VPS4A: variants seen among roughly 807,000 people sequenced by gnomAD.
VPS4A encodes vacuolar protein sorting 4 homolog A.
In VPS4A, 20 loss-of-function variants were observed where a neutral mutation model predicts 52.3. The observed-to-expected ratio is 0.38, with a 90% CI of 0.27 to 0.56. The LOEUF (loss-of-function observed/expected upper bound fraction) is 0.56. Ranked by LOEUF, VPS4A falls within the 20% of genes least tolerant of loss-of-function variation. The pLI, the probability that VPS4A is intolerant of heterozygous loss-of-function variation, is 0.72. For missense variants in VPS4A, 419 were observed against 575.9 expected, an observed-to-expected ratio of 0.73 and a Z score of 2.79; for synonymous variants, 293 against 227.7, an observed-to-expected ratio of 1.29 and a Z score of -2.58.
chr16:69,321,419 G>A lies in VPS4A; in HGVS notation c.1071+149G>A, dbSNP rs1173436814. ...GGAGAGCCGAGGGCCAGTGCCATGGGGGCTGCACCCACTGTCCCCTCCCTG... is the reference window on the plus strand; with the variant it reads ...GGAGAGCCGAGGGCCAGTGCCATGGAGGCTGCACCCACTGTCCCCTCCCTG... On this transcript the variant is annotated intron_variant, in intron 9 of 10. Coordinates refer to ENST00000254950, the MANE Select transcript of VPS4A (RefSeq NM_013245.3). The surrounding 1 kb of genome is among the most constrained non-coding windows in gnomAD (Gnocchi z 4.5). 2 of 816,034 alleles carry A rather than the reference G, an allele frequency of 2.5e-6. No individual in the cohort carries two copies. Among genetic ancestry groups the A allele is most frequent in the Non-Finnish European group, 3.8e-6 (2 of 527,144 alleles). 50.5% of individuals were successfully genotyped at this position (816,034 alleles called of 1,614,324 possible).
At position 69,320,389 on chromosome 16, in the gene VPS4A, G is replaced by T; in HGVS notation, c.769+100G>T. On this transcript the variant is annotated intron_variant, in intron 7 of 10. Coordinates refer to ENST00000254950, the MANE Select transcript of VPS4A (RefSeq NM_013245.3). The surrounding 1 kb of genome is among the most constrained non-coding windows in gnomAD (Gnocchi z 4.2). Reference sequence around the variant, plus strand: ...GCTGGATTTGGTTGTTCTCAGCCTCGGAGAGGCACTCCCCAGCTCCAGCCC... The same window carrying T: ...GCTGGATTTGGTTGTTCTCAGCCTCTGAGAGGCACTCCCCAGCTCCAGCCC... The T allele has an allele frequency of 1.3e-6, 2 of 1,508,148 alleles. No individual in the cohort carries two copies. Among genetic ancestry groups the T allele is most frequent in the Non-Finnish European group, 1.8e-6 (2 of 1,112,294 alleles). 93.4% of individuals were successfully genotyped at this position (1,508,148 alleles called of 1,614,324 possible). A position where few individuals can be genotyped will look rare whatever the true frequency, so the allele number is the denominator to read the frequency against.
chr16:69,315,722 C>T (rs966010864), intron 1 of VPS4A, among the ~76,000 whole-genome samples: 2 of 152,174 alleles, frequency 1.3e-5, no homozygotes, highest in Non-Finnish European at 2.9e-5. Flanking sequence ...ATGAACTTGC[C>T]CCTTGAGCCC....
intron 1 of VPS4A, among the ~76,000 whole-genome samples, chr16:69,311,737 G>A (rs1429060095): frequency 6.6e-6 from 1 of 152,130 alleles, no homozygotes; most frequent in Non-Finnish European, 1.5e-5. Context: ...AGGCCTTCCG[G>A]CCCTGCCCGG....
intron 6 of VPS4A, among the ~76,000 whole-genome samples, 155 bp downstream of exon 6, chr16:69,319,698 T>C (rs1301967685): frequency 2.0e-5 from 3 of 152,048 alleles, no homozygotes; most frequent in Non-Finnish European, 4.4e-5. Context: ...TGGGACACAG[T>C]CCCAACAAAG....
Position 69,321,467 on chromosome 16 carries a change from T to C in VPS4A, c.1071+197T>C. The C allele has an allele frequency of 1.6e-6, 1 of 629,176 alleles. No homozygotes were observed. Among genetic ancestry groups the C allele is most frequent in the Non-Finnish European group, 2.7e-6 (1 of 365,006 alleles). The allele number at this position is 629,176 out of a possible 1,614,324, so 39.0% of individuals were successfully genotyped here. A position where few individuals can be genotyped will look rare whatever the true frequency, so the allele number is the denominator to read the frequency against. ...CTGCAGCTCTTCTGGAGTGTGGCCA[T>C]CTCAGGGTGTGTGAAAGCAGAGGAC... is the stretch of plus-strand genomic sequence containing the variant. On this transcript the variant is annotated intron_variant, in intron 9 of 10. Transcript: ENST00000254950. The surrounding 1 kb of genome is among the most constrained non-coding windows in gnomAD (Gnocchi z 4.5).
Position 69,321,005 on chromosome 16 carries a change from A to C in VPS4A, c.852-46A>C. ...TCGTGCCTCCCCTTCCGTGAATACCATTCCATCATCCGCTGTCAACTCCTG... is the reference window on the plus strand; with the variant it reads ...TCGTGCCTCCCCTTCCGTGAATACCCTTCCATCATCCGCTGTCAACTCCTG... On this transcript the variant is annotated intron_variant, in intron 8 of 10. Transcript: ENST00000254950. The surrounding 1 kb of genome is among the most constrained non-coding windows in gnomAD (Gnocchi z 4.5). 6.5e-7 allele frequency: 1 copy of C among 1,530,876 alleles called. No individual in the cohort carries two copies. The highest frequency in any genetic ancestry group is 8.9e-7 in the Non-Finnish European group (1 of 1,128,070). 94.8% of individuals were successfully genotyped at this position (1,530,876 alleles called of 1,614,324 possible).
rs746182720 is a variant in VPS4A, at chr16:69,324,912, AG to A, written c.*606del. 4 of 155,206 alleles carry A rather than the reference AG, an allele frequency of 2.6e-5. No individual in the cohort carries two copies. The highest frequency in any genetic ancestry group is 4.8e-5 in the African/African-American group (2 of 41,488). 9.6% of individuals were successfully genotyped at this position (155,206 alleles called of 1,614,324 possible). On this transcript the variant is annotated 3_prime_UTR_variant, in exon 11 of 11. Coordinates refer to ENST00000254950, the MANE Select transcript of VPS4A (RefSeq NM_013245.3). ...GGGAGGAGATGGTGTCGTTTAGATC[AG>A]GGTAAGGCAGTCAGGCGGGTGTTCA...
intron 1 of VPS4A, 100 bp from the exon 2 acceptor site, chr16:69,315,908 C>A: frequency 2.1e-6 from 2 of 971,846 alleles, no homozygotes; most frequent in Non-Finnish European, 3.2e-6. Flanking sequence ...AATCCACAGG[C>A]CCAGCGGCAT....
intron 10 of VPS4A, chr16:69,323,826 T>C: frequency 2.7e-6 from 1 of 368,766 alleles, no homozygotes; most frequent in South Asian, 2.0e-5. Context: ...GGCACGTGCC[T>C]GTAGTCCCAG....
intron 3 of VPS4A, among the ~76,000 whole-genome samples, chr16:69,316,634 AC>A (rs1361518993): frequency 6.6e-6 from 1 of 151,846 alleles, no homozygotes; most frequent in Non-Finnish European, 1.5e-5. Flanking sequence ...CAGCTCTGTC[AC>A]CTCCCAGCCT....
chr16:69,325,787 G>A lies in VPS4A; in HGVS notation c.*1478G>A, dbSNP rs964871821. On this transcript the variant is annotated 3_prime_UTR_variant, in exon 11 of 11. Coordinates refer to ENST00000254950, the MANE Select transcript of VPS4A (RefSeq NM_013245.3). ...TAAAAATTCAGAATTCTGACTTCTA[G>A]AAGATTAAATTAGGTAATGTTGGGC... 11 of 151,696 alleles carry A rather than the reference G, an allele frequency of 7.3e-5. No individual in the cohort carries two copies. The highest frequency in any genetic ancestry group is 1.9e-4 in the East Asian group (1 of 5,170). 9.4% of individuals were successfully genotyped at this position (151,696 alleles called of 1,614,324 possible).
intron 9 of VPS4A, 184 bp from the exon 10 acceptor site, chr16:69,322,376 T>TG: frequency 1.9e-6 from 1 of 534,300 alleles, no homozygotes; most frequent in Non-Finnish European, 3.2e-6. Context: ...GGCTACAGAT[T>TG]GCCAGAGTCC....
chr16:69,313,708 G>A (rs1310138141), intron 1 of VPS4A, among the ~76,000 whole-genome samples: 2 of 152,110 alleles, frequency 1.3e-5, no homozygotes, highest in African/African-American at 4.8e-5. Flanking sequence ...CTGCTTTTGT[G>A]CCATCAAGGT....
chr16:69,321,322 T>C lies in VPS4A; in HGVS notation c.1071+52T>C. On this transcript the variant is annotated intron_variant, in intron 9 of 10. Transcript: ENST00000254950. This position sits in a 1 kb window ranked among gnomAD's most constrained non-coding sequence, Gnocchi z 4.5. ...AAAATCTCATAGTAAGAGCGGGATG[T>C]TCGGTTTTTTTTTTCCCAGCTCCTG... 3.3e-6 allele frequency: 5 copies of C among 1,521,012 alleles called. No individual in the cohort carries two copies. Among genetic ancestry groups the C allele is most frequent in the South Asian group, 1.3e-5 (1 of 79,696 alleles). 94.2% of individuals were successfully genotyped at this position (1,521,012 alleles called of 1,614,324 possible). A position where few individuals can be genotyped will look rare whatever the true frequency, so the allele number is the denominator to read the frequency against.
intron 3 of VPS4A, among the ~76,000 whole-genome samples, chr16:69,318,449 T>C (rs879298716): frequency 3.3e-5 from 5 of 152,226 alleles, no homozygotes; most frequent in African/African-American, 4.8e-5. Flanking sequence ...TAGGAGTGTT[T>C]GCTGGGGGGG....
At chr16:69,322,760 G>A in intron 10 of VPS4A, 60 bp downstream of exon 10, 1 of 1,553,146 alleles carries the variant, frequency 6.4e-7, no homozygotes, top group South Asian at 1.2e-5. Flanking sequence ...TTGAGGGTTT[G>A]GGTCCAGAAT....
intron 9 of VPS4A, 81 bp from the exon 10 acceptor site, chr16:69,322,479 G>A: frequency 7.0e-7 from 1 of 1,433,002 alleles, no homozygotes; most frequent in African/African-American, 1.4e-5. Flanking sequence ...CATTCTCTTT[G>A]GGACTTCCTT....
intron 5 of VPS4A, 93 bp from the exon 6 acceptor site, chr16:69,319,294 C>A: frequency 6.6e-7 from 1 of 1,524,722 alleles, no homozygotes; most frequent in Non-Finnish European, 8.9e-7. Flanking sequence ...ACAGAATGCC[C>A]TGTTTTACTG....
At chr16:69,318,307 A>T (rs916790526) in intron 3 of VPS4A, among the ~76,000 whole-genome samples, 3 of 152,238 alleles carry the variant, frequency 2.0e-5, no homozygotes. Flanking sequence ...GGCCTCCCAG[A>T]GTATGAGGTG....
Sources: gnomAD v4.1 joint callset for allele counts (sites outside exome capture counted in the v4.1 genomes callset) on GRCh38, gnomAD v4.1.1 for gene constraint, Gnocchi (gnomAD v3.1) non-coding constraint, MANE v1.5 for transcripts, NCBI Gene and HGNC (gene_info 2026-07-23, HGNC 2026-07-21) for gene names.